The following CORO7 variants were observed in gnomAD, a reference collection of about 807,000 sequenced individuals.
CORO7 encodes coronin-7.
A neutral mutation model predicts 126.6 loss-of-function variants in CORO7; 107 were observed. That is an observed-to-expected ratio of 0.85 (90% CI 0.72 to 0.99). The LOEUF is 0.99. Ranked by LOEUF, CORO7 falls within the 50% of genes least tolerant of loss-of-function variation. CORO7 has a pLI of 0.00. For missense variants in CORO7, 1,314 were observed against 1,255.8 expected, an observed-to-expected ratio of 1.05 and a Z score of -0.70; for synonymous variants, 603 against 536.8, an observed-to-expected ratio of 1.12 and a Z score of -1.70.
chr16:4,358,623 G>A (rs2054060095), intron 23 of CORO7, 140 bp from the exon 24 acceptor site: 2 of 683,356 alleles, frequency 2.9e-6, no homozygotes, highest in Non-Finnish European at 4.5e-6. Context: ...TGTTGATCAT[G>A]TTGAACAACC....
At chr16:4,360,589 T>G (rs1290062378) in intron 19 of CORO7, 41 bp from the exon 20 acceptor site, 1 of 1,553,928 alleles carries the variant, frequency 6.4e-7, no homozygotes, top group Non-Finnish European at 8.7e-7. Context: ...CTTGCTTCAC[T>G]GCTGGCCCCA....
chr16:4,357,985 G>A lies in CORO7; in HGVS notation c.2576C>T (p.Pro859Leu). 1.9e-6 allele frequency: 3 copies of A among 1,608,476 alleles called. No individual in the cohort carries two copies. Among genetic ancestry groups the A allele is most frequent in the Non-Finnish European group, 2.6e-6 (3 of 1,175,718 alleles). ...CGGTGCACCTGGGCTCATGTCAGGAGGCTGCAGGCTGAGAAGCCAGGGCTG... is the reference window on the plus strand; with the variant it reads ...CGGTGCACCTGGGCTCATGTCAGGAAGCTGCAGGCTGAGAAGCCAGGGCTG... ...NGQPWLLSLQ[P>L]PDMSPVSQAP... is the part of the protein sequence containing the mutation. Residue 859 changes from proline (P) to leucine (L), a missense_variant, in exon 25 of 28, where the codon CCT becomes CTT. Transcript: ENST00000251166.
chr16:4,359,918 C>T (rs1303390933), intron 21 of CORO7, among the ~76,000 whole-genome samples: 1 of 143,092 alleles, frequency 7.0e-6, no homozygotes. Flanking sequence ...CCCTCACCCA[C>T]CCCTCTATCC....
chr16:4,416,413 G>A, intron 1 of CORO7, 46 bp downstream of exon 1: 3 of 1,518,154 alleles, frequency 2.0e-6, no homozygotes, highest in Non-Finnish European at 2.6e-6. Context: ...AGGGGCAGCC[G>A]GACGGGGCCC....
chr16:4,416,471 C>T lies in CORO7; in HGVS notation c.48G>A (p.Pro16=), dbSNP rs1341859622. 1 of 1,575,314 alleles carries T rather than the reference C, an allele frequency of 6.3e-7. No individual in the cohort carries two copies. ...VSKFRHTEAR[P]PRRESWISDI... ...GGGCCGGACTCACCTCGCGGCGGGG[C>T]GGCCGAGCCTCGGTGTGCCGGAACT... is the stretch of plus-strand genomic sequence containing the variant. The change falls in exon 1 of 28, where the codon CCG becomes CCA. Residue 16 remains proline (P), a synonymous_variant. Transcript: ENST00000251166.
chr16:4,377,092 G>A (rs2054760153), intron 9 of CORO7, among the ~76,000 whole-genome samples: 1 of 152,180 alleles, frequency 6.6e-6, no homozygotes. Context: ...TGGCCGGGCT[G>A]TGGACCCTGT....
chr16:4,374,787 A>AG (rs1294376946), intron 9 of CORO7, among the ~76,000 whole-genome samples: 1 of 152,078 alleles, frequency 6.6e-6, no homozygotes, highest in Non-Finnish European at 1.5e-5. Context: ...GAGCTTGAGA[A>AG]GGGCAAGACC....
chr16:4,361,956 G>A (rs2054193865), intron 16 of CORO7, 29 bp downstream of exon 16: 1 of 1,579,786 alleles, frequency 6.3e-7, no homozygotes, highest in East Asian at 2.3e-5. Flanking sequence ...GGGAACTGAG[G>A]GGCAGCCCTG....
At chr16:4,366,534 G>C (rs2054354078) in intron 9 of CORO7, among the ~76,000 whole-genome samples, 1 of 129,870 alleles carries the variant, frequency 7.7e-6, no homozygotes, top group South Asian at 2.4e-4. Flanking sequence ...CCTGATCTTT[G>C]CTTTTTTTTT....
intron 6 of CORO7, among the ~76,000 whole-genome samples, chr16:4,401,906 T>C (rs1167219543): frequency 1.3e-5 from 2 of 148,368 alleles, no homozygotes; most frequent in African/African-American, 5.2e-5. Context: ...TGGTTTCTTT[T>C]TTTCCTTTTT....
At chr16:4,405,777 ATC>A (rs879515277) in intron 5 of CORO7, among the ~76,000 whole-genome samples, 3,584 of 152,248 alleles carry the variant, frequency 0.024, 67 homozygotes, top group Non-Finnish European at 0.034. Context: ...GCAGCCGTAC[ATC>A]ACTCAACTAC....
intron 3 of CORO7, among the ~76,000 whole-genome samples, chr16:4,408,685 G>A (rs934903373): frequency 2.0e-5 from 3 of 152,210 alleles, no homozygotes; most frequent in African/African-American, 2.4e-5. Flanking sequence ...AATGGTGGCC[G>A]GGCATGGTGG....
intron 9 of CORO7, among the ~76,000 whole-genome samples, chr16:4,385,015 G>T (rs1216704678): frequency 6.6e-6 from 1 of 152,178 alleles, no homozygotes; most frequent in Non-Finnish European, 1.5e-5. Context: ...AGCCTTCCCT[G>T]GAACAGTGTC....
At chr16:4,402,162 C>G (rs765751017) in intron 6 of CORO7, among the ~76,000 whole-genome samples, 18 of 152,106 alleles carry the variant, frequency 1.2e-4, no homozygotes, top group Non-Finnish European at 2.4e-4. Flanking sequence ...TGGTCTTGAG[C>G]TCCTTACCTC....
Position 4,382,685 on chromosome 16 carries a change from G to A in CORO7, c.785+5301C>T, listed in dbSNP as rs781602831. Reference sequence around the variant, plus strand: ...GCAGCCTACTGTGTGCGGCGGGGGCGGGCCATGGCAGCAGCGGCTCAGGAC... The same window carrying A: ...GCAGCCTACTGTGTGCGGCGGGGGCAGGCCATGGCAGCAGCGGCTCAGGAC... On this transcript the variant is annotated intron_variant, in intron 9 of 27. Coordinates refer to ENST00000251166, the MANE Select transcript of CORO7 (RefSeq NM_024535.5). 2.7e-5 allele frequency: 41 copies of A among 1,546,736 alleles called. No individual in the cohort carries two copies. The highest frequency in any genetic ancestry group is 1.7e-4 in the Middle Eastern group (1 of 5,776).
chr16:4,360,689 T>C, intron 19 of CORO7, 141 bp from the exon 20 acceptor site: 1 of 1,315,668 alleles, frequency 7.6e-7, no homozygotes. Context: ...GTCTTGCCTC[T>C]CCTCACTGCT....
chr16:4,381,479 G>T lies in CORO7; in HGVS notation c.785+6507C>A, dbSNP rs1444456812. 1 of 1,584,512 alleles carries T rather than the reference G, an allele frequency of 6.3e-7. No individual in the cohort carries two copies. Among genetic ancestry groups the T allele is most frequent in the Admixed American group, 1.8e-5 (1 of 55,848 alleles). Reference sequence around the variant, plus strand: ...AACGTGGAGGCGCTGCGGCTGGCTGGTCTGGGGCTGCAGCAGCTGGACGAG... The same window carrying T: ...AACGTGGAGGCGCTGCGGCTGGCTGTTCTGGGGCTGCAGCAGCTGGACGAG... On this transcript the variant is annotated intron_variant, in intron 9 of 27. Transcript: ENST00000251166.
intron 9 of CORO7, among the ~76,000 whole-genome samples, chr16:4,385,431 C>T (rs1245952405): frequency 2.6e-5 from 4 of 152,116 alleles, no homozygotes; most frequent in Admixed American, 2.0e-4. Flanking sequence ...TACAGTTCAC[C>T]CAGCCCCCTC....
At chr16:4,395,261 C>G in intron 7 of CORO7, 28 bp downstream of exon 7, 4 of 1,613,846 alleles carry the variant, frequency 2.5e-6, no homozygotes, top group Non-Finnish European at 3.4e-6. Flanking sequence ...GAGGCTTCAA[C>G]CCACCCCAGC....
Sources: allele counts gnomAD v4.1 joint callset (sites outside exome capture counted in the v4.1 genomes callset), GRCh38; gene constraint gnomAD v4.1.1; transcripts MANE v1.5; gene names NCBI Gene and HGNC (gene_info 2026-07-23, HGNC 2026-07-21).